NLN: variants seen among roughly 807,000 people sequenced by gnomAD.
The protein encoded by NLN is neurolysin.
A neutral mutation model predicts 79.9 loss-of-function variants in NLN; 64 were observed. The ratio of observed to expected loss-of-function variants is 0.80; its 90% CI spans 0.65 to 0.99. The LOEUF is 0.99. Ranked by LOEUF, NLN falls within the 50% of genes least tolerant of loss-of-function variation. NLN has a pLI of 0.00. For missense variants in NLN, 835 were observed against 858.7 expected, an observed-to-expected ratio of 0.97 and a Z score of 0.34; for synonymous variants, 267 against 296.6, an observed-to-expected ratio of 0.90 and a Z score of 1.02.
chr5:65,742,131 A>G (rs966718249), intron 1 of NLN, among the ~76,000 whole-genome samples: 1 of 152,204 alleles, frequency 6.6e-6, no homozygotes, highest in Admixed American at 6.5e-5. Flanking sequence ...AAAATTTTGA[A>G]GAGTTCCTTT....
At chr5:65,793,990 C>A (rs1760119739) in intron 9 of NLN, among the ~76,000 whole-genome samples, 1 of 152,164 alleles carries the variant, frequency 6.6e-6, no homozygotes, top group Non-Finnish European at 1.5e-5. Flanking sequence ...TTCTTAAATC[C>A]ATACGGTGTC....
intron 9 of NLN, chr5:65,793,102 C>G (rs1364927553): frequency 7.1e-6 from 2 of 279,724 alleles, no homozygotes; most frequent in South Asian, 3.3e-5. Flanking sequence ...TTACTAACTT[C>G]AAATTAAAAT....
Position 65,764,252 on chromosome 5 carries a change from A to G in NLN, c.450+1144A>G, listed in dbSNP as rs1174000639. Among the ~76,000 whole-genome samples, 7 of 151,522 alleles carry G rather than the reference A, an allele frequency of 4.6e-5. No homozygotes were observed. In the East Asian group the frequency reaches 1.3e-3, roughly 29 times the overall value. On this transcript the variant is annotated intron_variant, in intron 3 of 12. Coordinates refer to ENST00000380985, the MANE Select transcript of NLN (RefSeq NM_020726.5). ...ATTTCACATTCTGTGATTCTTATGAATGTTATCAAGATATGAAAGGTTTGT... is the reference window on the plus strand; with the variant it reads ...ATTTCACATTCTGTGATTCTTATGAGTGTTATCAAGATATGAAAGGTTTGT...
At chr5:65,767,763 A>G (rs941277456) in intron 3 of NLN, among the ~76,000 whole-genome samples, 1 of 152,234 alleles carries the variant, frequency 6.6e-6, no homozygotes, top group Non-Finnish European at 1.5e-5. Context: ...GTGTACACAC[A>G]TGGCTGTATG....
At chr5:65,766,088 G>A (rs252642) in intron 3 of NLN, among the ~76,000 whole-genome samples, 85,442 of 151,972 alleles carry the variant, frequency 0.56, 24,347 homozygotes, top group South Asian at 0.6. Flanking sequence ...AATTCAGAAA[G>A]GAATTAGTTG....
chr5:65,737,588 A>G (rs1758755293), intron 1 of NLN, among the ~76,000 whole-genome samples: 2 of 152,190 alleles, frequency 1.3e-5, no homozygotes, highest in Admixed American at 6.5e-5. Flanking sequence ...ATAATAACTG[A>G]AAATTCAGTG....
At chr5:65,792,814 C>A in intron 9 of NLN, 159 bp downstream of exon 9, 1 of 691,384 alleles carries the variant, frequency 1.4e-6, no homozygotes, top group South Asian at 1.5e-5. Context: ...CTTATCCTGT[C>A]CTCTTTCACA....
At position 65,788,499 on chromosome 5, in the gene NLN, G is replaced by A. The variant is rs757349754; in HGVS notation, c.1325+15G>A. On this transcript the variant is annotated intron_variant, in intron 8 of 12. Transcript: ENST00000380985. ...CTCTATCCAAGGTACTGAGGATCACGTTGTTGGAAGGGACCTTAGGGATTC... is the reference window on the plus strand; with the variant it reads ...CTCTATCCAAGGTACTGAGGATCACATTGTTGGAAGGGACCTTAGGGATTC... 1.1e-5 allele frequency: 17 copies of A among 1,605,152 alleles called. No individual in the cohort carries two copies. The Middle Eastern group carries it at 5.0e-4, about 47-fold the overall frequency.
chr5:65,804,917 T>A (rs1760377620), intron 9 of NLN, among the ~76,000 whole-genome samples: 1 of 152,214 alleles, frequency 6.6e-6, no homozygotes, highest in Admixed American at 6.5e-5. Context: ...TCTTGCCATG[T>A]TGCCCAGGCA....
At chr5:65,735,467 A>G (rs534379397) in intron 1 of NLN, among the ~76,000 whole-genome samples, 170 of 152,248 alleles carry the variant, frequency 1.1e-3, no homozygotes, top group Non-Finnish European at 1.9e-3. Flanking sequence ...TCCAAAGCCT[A>G]GGAGCCATTC....
chr5:65,768,027 T>C (rs1433315089), intron 3 of NLN, among the ~76,000 whole-genome samples: 1 of 152,186 alleles, frequency 6.6e-6, no homozygotes, highest in Non-Finnish European at 1.5e-5. Context: ...GTCACAACCA[T>C]TCAGTAAATC....
intron 8 of NLN, among the ~76,000 whole-genome samples, chr5:65,791,329 G>A (rs1013219446): frequency 4.6e-5 from 7 of 152,044 alleles, no homozygotes; most frequent in African/African-American, 1.4e-4. Flanking sequence ...AGGCCAAGGA[G>A]GGCAGATCAC....
intron 1 of NLN, among the ~76,000 whole-genome samples, chr5:65,757,252 T>G (rs1187841081): frequency 6.6e-6 from 1 of 152,198 alleles, no homozygotes; most frequent in Non-Finnish European, 1.5e-5. Context: ...AATACAGTAA[T>G]GCCCTACCTA....
At chr5:65,771,935 A>G (rs894460139) in intron 3 of NLN, among the ~76,000 whole-genome samples, 3 of 150,500 alleles carry the variant, frequency 2.0e-5, no homozygotes, top group Non-Finnish European at 4.4e-5. Context: ...AATTAAGTTT[A>G]AAAAGAACCA....
At chr5:65,818,390 C>A (rs915297010) in intron 12 of NLN, among the ~76,000 whole-genome samples, 1 of 152,056 alleles carries the variant, frequency 6.6e-6, no homozygotes. Context: ...CTTCTCTACC[C>A]CCCCATACAT....
intron 8 of NLN, among the ~76,000 whole-genome samples, chr5:65,790,018 A>G (rs1418346138): frequency 6.6e-6 from 1 of 152,204 alleles, no homozygotes; most frequent in Non-Finnish European, 1.5e-5. Context: ...CATCTTCCCC[A>G]GATATCAGTG....
intron 10 of NLN, 120 bp downstream of exon 10, chr5:65,809,821 G>T: frequency 1.0e-6 from 1 of 978,492 alleles, no homozygotes; most frequent in Non-Finnish European, 1.5e-6. Flanking sequence ...GCTAGCATGA[G>T]GAGTGAAGAA....
chr5:65,796,841 G>A (rs1579958161), intron 9 of NLN, among the ~76,000 whole-genome samples: 1 of 152,208 alleles, frequency 6.6e-6, no homozygotes, highest in Non-Finnish European at 1.5e-5. Context: ...TTAAAAATTT[G>A]CCATATGTAT....
intron 12 of NLN, among the ~76,000 whole-genome samples, chr5:65,821,363 C>A (rs1295236850): frequency 2.0e-5 from 3 of 152,094 alleles, no homozygotes; most frequent in African/African-American, 7.2e-5. Flanking sequence ...CTGTTGAGCG[C>A]TTGAAATGAG....
Sources: gnomAD v4.1 joint callset for allele counts (sites outside exome capture counted in the v4.1 genomes callset) on GRCh38, gnomAD v4.1.1 for gene constraint, MANE v1.5 for transcripts, NCBI Gene and HGNC (gene_info 2026-07-23, HGNC 2026-07-21) for gene names.